ZNF417: variants seen among roughly 807,000 people sequenced by gnomAD.
ZNF417 encodes the protein zinc finger protein 417.
A neutral mutation model predicts 7.4 loss-of-function variants in ZNF417; 5 were observed. The ratio of observed to expected loss-of-function variants is 0.68; its 90% confidence interval spans 0.35 to 1.43. ZNF417 has a LOEUF of 1.43. Among genes scored for constraint, ZNF417 ranks in the 40% most tolerant of loss-of-function variants. The pLI is 0.04. For missense variants in ZNF417, 437 were observed against 697.3 expected, an observed-to-expected ratio of 0.63 and a Z score of 4.20; for synonymous variants, 147 against 239.1, an observed-to-expected ratio of 0.61 and a Z score of 3.55.
In ZNF417 at chr19:57,909,086, G is replaced by A; in HGVS notation, c.1192C>T (p.His398Tyr). Residue 398 changes from histidine to tyrosine, a missense_variant, in exon 3 of 3, where the codon CAT becomes TAT. Transcript: ENST00000312026. ...SFGQKGNLVQ[H>Y]QRGHTGERPY... ...CTTTCTCCAGTATGACCTCGCTGAT[G>A]TTGAACGAGGTTGCCCTTTTGACCA... 1 of 1,614,166 alleles carries A rather than the reference G, an allele frequency of 6.2e-7. No individual in the cohort carries two copies. Among genetic ancestry groups the A allele is most frequent in the Non-Finnish European group, 8.5e-7 (1 of 1,180,044 alleles).
chr19:57,912,018 T>A (rs763950676), intron 2 of ZNF417, 42 bp downstream of exon 2: 1 of 1,527,498 alleles, frequency 6.5e-7, no homozygotes, highest in South Asian at 1.3e-5. Flanking sequence ...AGGGGAACAG[T>A]AACACTAGCT....
At chr19:57,916,274 C>G (rs1415259664) in intron 1 of ZNF417, 105 bp downstream of exon 1, 3 of 1,600,470 alleles carry the variant, frequency 1.9e-6, no homozygotes, top group African/African-American at 1.3e-5. Flanking sequence ...AGTGTTCCTA[C>G]GCCGGGTACC....
chr19:57,916,457 C>G lies in ZNF417; in HGVS notation c.-46G>C, dbSNP rs766995791. Reference sequence around the variant, plus strand: ...GGCCCGGGAGCAGTGGTCGCCGTCACGGGGCTGCAGAGCCGCCTCTGGGCA... The same window carrying G: ...GGCCCGGGAGCAGTGGTCGCCGTCAGGGGGCTGCAGAGCCGCCTCTGGGCA... On this transcript the variant is annotated 5_prime_UTR_variant, in exon 1 of 3. Transcript: ENST00000312026. 4 of 1,613,084 alleles carry G rather than the reference C, an allele frequency of 2.5e-6. No homozygotes were observed. Among genetic ancestry groups the G allele is most frequent in the Non-Finnish European group, 3.4e-6 (4 of 1,179,790 alleles).
At position 57,906,566 on chromosome 19, in the gene ZNF417, G is replaced by A. The variant is rs1364658243; in HGVS notation, c.*1984C>T. Among the ~76,000 whole-genome samples the A allele has an allele frequency of 6.6e-6, 1 of 151,542 alleles. No individual in the cohort carries two copies. Among genetic ancestry groups the A allele is most frequent in the Admixed American group, 6.6e-5 (1 of 15,160 alleles). ...TCATGAGGTCACAAGTTTGAGACCA[G>A]CCTGGCTAACGTAGTGAAAGCCCAT... On this transcript the variant is annotated 3_prime_UTR_variant, in exon 3 of 3. Transcript: ENST00000312026.
At chr19:57,913,101 CAA>C (rs1255232115) in intron 1 of ZNF417, among the ~76,000 whole-genome samples, 1 of 151,722 alleles carries the variant, frequency 6.6e-6, no homozygotes, top group African/African-American at 2.4e-5. Flanking sequence ...ATACATTATT[CAA>C]GAGAGCAGAG....
At chr19:57,912,469 G>A (rs1192251240) in intron 1 of ZNF417, among the ~76,000 whole-genome samples, 4 of 152,188 alleles carry the variant, frequency 2.6e-5, no homozygotes, top group Non-Finnish European at 4.4e-5. Context: ...GCCCAGGGCA[G>A]CTGCCTGAGC....
rs1358280998 is a variant in ZNF417, at chr19:57,905,812, A to G, written c.*2738T>C. ...GAAAGATGTATGAATCTTTTGTACA[A>G]AAAAATTTCAACATATAAGTTGCAT... On this transcript the variant is annotated 3_prime_UTR_variant, in exon 3 of 3. Coordinates refer to ENST00000312026, the MANE Select transcript of ZNF417 (RefSeq NM_152475.3). Among the ~76,000 whole-genome samples, 1 of 152,218 alleles carries G rather than the reference A, an allele frequency of 6.6e-6. No homozygotes were observed. The highest frequency in any genetic ancestry group is 1.5e-5 in the Non-Finnish European group (1 of 68,040).
chr19:57,914,483 C>CAAAAAAAAAAA (rs528220711), intron 1 of ZNF417, among the ~76,000 whole-genome samples: 7 of 57,608 alleles, frequency 1.2e-4, no homozygotes, highest in African/African-American at 1.6e-4. Flanking sequence ...CGAAACTCCA[C>CAAAAAAAAAAA]AAAAAAAAAA....
chr19:57,914,996 G>T (rs1048693504), intron 1 of ZNF417, among the ~76,000 whole-genome samples: 1 of 152,190 alleles, frequency 6.6e-6, no homozygotes, highest in African/African-American at 2.4e-5. Context: ...ACTTCCCTGT[G>T]TGGGTTCCCT....
At chr19:57,912,323 C>A in intron 1 of ZNF417, 134 bp from the exon 2 acceptor site, 1 of 1,478,132 alleles carries the variant, frequency 6.8e-7, no homozygotes, top group Non-Finnish European at 9.1e-7. Context: ...TCCACTAGTG[C>A]CTTTGTCTCT....
Position 57,916,559 on chromosome 19 carries a change from G to A in ZNF417, c.-148C>T. 6.6e-7 allele frequency: 1 copy of A among 1,504,370 alleles called. No individual in the cohort carries two copies. 93.2% of individuals were successfully genotyped at this position (1,504,370 alleles called of 1,614,324 possible). ...CAGCACTCAGGGGCCACAAACTGGG[G>A]AAACACCCGCGTCACCGATACACAG... is the stretch of plus-strand genomic sequence containing the variant. On this transcript the variant is annotated 5_prime_UTR_variant, in exon 1 of 3. Transcript: ENST00000312026.
Position 57,909,753 on chromosome 19 carries a change from A to T in ZNF417, c.525T>A (p.Phe175Leu). ...CTGAACTGGGCAGAACGTCCTTCCC[A>T]AACTCGCGGAAGACAAATGGCTCCT... The part of the protein sequence containing the change: ...VSQEPFVFRE[F>L]GKDVLPSSGL... The change falls in exon 3 of 3, where the codon TTT becomes TTA. Residue 175 changes from phenylalanine to leucine, a missense_variant. Phe to Leu is a conservative substitution (Grantham distance 22, BLOSUM62 0). Coordinates refer to ENST00000312026, the MANE Select transcript of ZNF417 (RefSeq NM_152475.3). The T allele has an allele frequency of 5.3e-6, 8 of 1,500,618 alleles. 2 individuals carry two copies. The highest frequency in any genetic ancestry group is 7.2e-6 in the Non-Finnish European group (8 of 1,107,070). The allele number at this position is 1,500,618 out of a possible 1,614,324, so 93.0% of individuals were successfully genotyped here. A position where few individuals can be genotyped will look rare whatever the true frequency, so the allele number is the denominator to read the frequency against.
intron 1 of ZNF417, among the ~76,000 whole-genome samples, chr19:57,914,408 C>T (rs2071926147): frequency 2.8e-5 from 4 of 144,592 alleles, no homozygotes; most frequent in African/African-American, 1.0e-4. Flanking sequence ...ATCGCTTGAA[C>T]CCGGGAGGCA....
At position 57,907,402 on chromosome 19, in the gene ZNF417, C is replaced by T. The variant is rs2071842601; in HGVS notation, c.*1148G>A. On this transcript the variant is annotated 3_prime_UTR_variant, in exon 3 of 3. Transcript: ENST00000312026. The stretch of plus-strand genomic sequence containing the variant: ...TGATTCAAACTATCTTCATGTTCTT[C>T]ACTTCACAAGATAAAGCTCTTAAAA... 1.3e-5 allele frequency: 2 copies of T among 154,716 alleles called. No homozygotes were observed. Among genetic ancestry groups the T allele is most frequent in the African/African-American group, 4.8e-5 (2 of 41,496 alleles). 9.6% of individuals were successfully genotyped at this position (154,716 alleles called of 1,614,324 possible). A position where few individuals can be genotyped will look rare whatever the true frequency, so the allele number is the denominator to read the frequency against.
At chr19:57,911,941 G>C in intron 2 of ZNF417, 119 bp downstream of exon 2, 5 of 1,468,372 alleles carry the variant, frequency 3.4e-6, no homozygotes, top group Non-Finnish European at 4.5e-6. Context: ...AACTTACATA[G>C]AGAAGTGTAG....
At chr19:57,914,584 T>C (rs2071929669) in intron 1 of ZNF417, among the ~76,000 whole-genome samples, 1 of 150,854 alleles carries the variant, frequency 6.6e-6, no homozygotes, top group Middle Eastern at 3.4e-3. Context: ...TTGCCACGTA[T>C]CTGATCCACT....
chr19:57,915,403 G>C, intron 1 of ZNF417: 1 of 359,396 alleles, frequency 2.8e-6, no homozygotes, highest in Non-Finnish European at 5.2e-6. Flanking sequence ...CTTTGTTCCA[G>C]ACAGGTTCCA....
At chr19:57,916,250 C>T (rs1029871468) in intron 1 of ZNF417, 129 bp downstream of exon 1, 5 of 1,554,152 alleles carry the variant, frequency 3.2e-6, no homozygotes, top group Non-Finnish European at 1.7e-6. Flanking sequence ...AGGGACCCCT[C>T]CTGCGAGCGC....
rs1251583606 is a variant in ZNF417 at position 57,908,401 on chromosome 19, T to C, written c.*149A>G. On this transcript the variant is annotated 3_prime_UTR_variant, in exon 3 of 3. Coordinates refer to ENST00000312026, the MANE Select transcript of ZNF417 (RefSeq NM_152475.3). ...CCTGGGTGACAGAATGAGACTCCGT[T>C]CCAATGCGAAGTCTCTTAAGACCAA... 2.1e-6 allele frequency: 3 copies of C among 1,427,376 alleles called. No homozygotes were observed. Among genetic ancestry groups the C allele is most frequent in the Non-Finnish European group, 2.9e-6 (3 of 1,041,762 alleles). 88.4% of individuals were successfully genotyped at this position (1,427,376 alleles called of 1,614,324 possible). A position where few individuals can be genotyped will look rare whatever the true frequency, so the allele number is the denominator to read the frequency against.
Sources: gnomAD v4.1 joint callset for allele counts (sites outside exome capture counted in the v4.1 genomes callset) on GRCh38, gnomAD v4.1.1 for gene constraint, MANE v1.5 for transcripts, NCBI Gene and HGNC (gene_info 2026-07-23, HGNC 2026-07-21) for gene names.